RCC1: variants seen among roughly 807,000 people sequenced by gnomAD.
RCC1 encodes the protein regulator of chromosome condensation.
In RCC1, 11 loss-of-function variants were observed where a neutral mutation model predicts 44.4. That is an observed-to-expected ratio of 0.25 (90% CI 0.16 to 0.41). The LOEUF is 0.41. Ranked by LOEUF, RCC1 falls within the 10% of genes least tolerant of loss-of-function variation. The pLI, the probability that RCC1 is intolerant of heterozygous loss-of-function variation, is 1.00. For synonymous variants in RCC1, 213 were observed against 216.5 expected (o/e 0.98, Z 0.14); for missense variants, 386 against 547.1 (o/e 0.71, Z 2.94).
At chr1:28,506,150 G>A (rs188359143) in intron 1 of RCC1, 66 bp downstream of exon 1, 2 of 450,872 alleles carry the variant, frequency 4.4e-6, no homozygotes, top group African/African-American at 4.1e-5. Context: ...TAATGCTATA[G>A]ATCAGTAGCC....
chr1:28,511,072 TCCAAAC>T (rs1418471085), intron 3 of RCC1, among the ~76,000 whole-genome samples: 2 of 152,160 alleles, frequency 1.3e-5, no homozygotes, highest in East Asian at 3.8e-4. Context: ...TTTTAGACTT[TCCAAAC>T]AGGCACTTCT....
chr1:28,519,120 AT>A (rs1663113090), intron 4 of RCC1, among the ~76,000 whole-genome samples: 1 of 152,130 alleles, frequency 6.6e-6, no homozygotes, highest in South Asian at 2.1e-4. Context: ...TGACTCTTGA[AT>A]GGGGTTTTGA....
chr1:28,508,441 A>G, intron 2 of RCC1: 1 of 403,800 alleles, frequency 2.5e-6, no homozygotes, highest in Non-Finnish European at 5.0e-6. Flanking sequence ...TAGGAAGCCT[A>G]ATTGGCTTTA....
rs759767206 is a variant in RCC1, at chr1:28,515,456, C to T, written c.-152-1269C>T. ...CTGGGGCTGGGCGCAGTAGTTCACA[C>T]GTGTAATCCCAGCACTTTGGGAGGC... is the stretch of plus-strand genomic sequence containing the variant. On this transcript the variant is annotated intron_variant, in intron 3 of 12. Transcript: ENST00000683442. Among the ~76,000 whole-genome samples, 65 of 151,140 alleles carry T rather than the reference C, an allele frequency of 4.3e-4. 1 individual carries two copies. In the Middle Eastern group the frequency reaches 0.01, roughly 24 times the overall value.
At chr1:28,532,579 G>T in intron 7 of RCC1, 1 of 545,568 alleles carries the variant, frequency 1.8e-6, no homozygotes, top group Non-Finnish European at 3.3e-6. Context: ...CCTGGGAAGT[G>T]AGTGGGTCAA....
intron 3 of RCC1, among the ~76,000 whole-genome samples, chr1:28,512,848 G>A (rs1003760887): frequency 6.6e-6 from 1 of 152,088 alleles, no homozygotes; most frequent in Admixed American, 6.6e-5. Flanking sequence ...AGGCTGGAGT[G>A]CAGTGGCACA....
Position 28,536,486 on chromosome 1 carries a change from G to A in RCC1, c.937+105G>A. 5 of 1,422,494 alleles carry A rather than the reference G, an allele frequency of 3.5e-6. No homozygotes were observed. Among genetic ancestry groups the A allele is most frequent in the Non-Finnish European group, 4.8e-6 (5 of 1,051,340 alleles). 88.1% of individuals were successfully genotyped at this position (1,422,494 alleles called of 1,614,324 possible). A position where few individuals can be genotyped will look rare whatever the true frequency, so the allele number is the denominator to read the frequency against. On this transcript the variant is annotated intron_variant, in intron 11 of 12. Transcript: ENST00000683442. This position sits in a 1 kb window ranked among gnomAD's most constrained non-coding sequence, Gnocchi z 4.9. ...TCCTTGGAGCCTGGGTCTGTTCCAT[G>A]GGTTGTACCATACATGGGTCCATGA... is the stretch of plus-strand genomic sequence containing the variant.
chr1:28,521,327 C>T (rs1663255175), intron 4 of RCC1, among the ~76,000 whole-genome samples: 1 of 151,796 alleles, frequency 6.6e-6, no homozygotes, highest in South Asian at 2.1e-4. Context: ...CGGTGAAACC[C>T]CGTCTCTACT....
At position 28,536,432 on chromosome 1, in the gene RCC1, T is replaced by G; in HGVS notation, c.937+51T>G. ...TTTGGGGGTGGAGTGTTCCCTGGCCTAGGCCTAGCCAGATTCCTGAGACCA... is the reference window on the plus strand; with the variant it reads ...TTTGGGGGTGGAGTGTTCCCTGGCCGAGGCCTAGCCAGATTCCTGAGACCA... On this transcript the variant is annotated intron_variant, in intron 11 of 12. Transcript: ENST00000683442. This position sits in a 1 kb window ranked among gnomAD's most constrained non-coding sequence, Gnocchi z 4.9. 1 of 1,590,954 alleles carries G rather than the reference T, an allele frequency of 6.3e-7. No individual in the cohort carries two copies. The highest frequency in any genetic ancestry group is 8.5e-7 in the Non-Finnish European group (1 of 1,171,734).
intron 3 of RCC1, among the ~76,000 whole-genome samples, chr1:28,511,774 C>A (rs1294636681): frequency 6.6e-6 from 1 of 150,838 alleles, no homozygotes; most frequent in Non-Finnish European, 1.5e-5. Context: ...AATTCTCCCA[C>A]CTCAGCCTCC....
chr1:28,527,406 A>C (rs1033853901), intron 4 of RCC1, among the ~76,000 whole-genome samples: 2 of 152,120 alleles, frequency 1.3e-5, no homozygotes, highest in African/African-American at 4.8e-5. Flanking sequence ...TGCCCGGCTA[A>C]TTTTTGTAAT....
In RCC1 at chr1:28,536,767, C is replaced by A; in HGVS notation, c.958C>A (p.Arg320=). The A allele has an allele frequency of 6.2e-7, 1 of 1,614,094 alleles. No individual in the cohort carries two copies. The highest frequency in any genetic ancestry group is 8.5e-7 in the Non-Finnish European group (1 of 1,180,006). ...CATAGGAAAAGCATACAGCCTGGGC[C>A]GGGCTGAGTATGGGCGGCTGGGCCT... ...DSEGKAYSLG[R]AEYGRLGLGE... is the part of the protein sequence containing the mutation. Residue 320 remains arginine (R), a synonymous_variant, in exon 12 of 13, where the codon CGG becomes AGG. Transcript: ENST00000683442. The surrounding 1 kb of genome is among the most constrained non-coding windows in gnomAD (Gnocchi z 4.9).
chr1:28,532,942 A>G (rs1238903427), intron 7 of RCC1, among the ~76,000 whole-genome samples: 1 of 152,008 alleles, frequency 6.6e-6, no homozygotes, highest in African/African-American at 2.4e-5. Context: ...CAGCCTCCCA[A>G]GTAGCTGGGA....
rs775752504 is a variant in RCC1 at position 28,535,131 on chromosome 1, G to A, written c.523G>A (p.Val175Ile). 14 of 1,614,180 alleles carry A rather than the reference G, an allele frequency of 8.7e-6. No individual in the cohort carries two copies. Among genetic ancestry groups the A allele is most frequent in the Middle Eastern group, 1.6e-4 (1 of 6,062 alleles). Residue 175 changes from valine (V) to isoleucine (I), a missense_variant, in exon 8 of 13, where the codon GTA becomes ATA. Physicochemically the swap from Val to Ile is conservative, Grantham distance 29 (BLOSUM62 3). Transcript: ENST00000683442. Reference protein sequence around the residue: ...PVQVQLDVPVVKVASGNDHLV... With the variant: ...PVQVQLDVPVIKVASGNDHLV... Reference sequence around the variant, plus strand: ...GCAGGTGCAGCTGGATGTGCCTGTGGTAAAGGTGGCCTCAGGTGGGTCTGG... The same window carrying A: ...GCAGGTGCAGCTGGATGTGCCTGTGATAAAGGTGGCCTCAGGTGGGTCTGG...
In RCC1 at chr1:28,538,025, T is replaced by C. The variant is rs769015784; in HGVS notation, c.*18T>C. On this transcript the variant is annotated 3_prime_UTR_variant, in exon 13 of 13. Transcript: ENST00000683442. ...AGAGCTGATGAAGCCTCTGAGGGCC[T>C]GGCTTCTGTCCTGCACAACCTCCCT... 42 of 1,607,488 alleles carry C rather than the reference T, an allele frequency of 2.6e-5. No individual in the cohort carries two copies. The Admixed American group carries it at 4.2e-4, about 16-fold the overall frequency.
chr1:28,507,517 C>T (rs1181004170), intron 1 of RCC1: 2 of 518,802 alleles, frequency 3.9e-6, no homozygotes, highest in African/African-American at 1.9e-5. Context: ...ATTCCTACAG[C>T]TTCCCAGAGT....
Position 28,536,594 on chromosome 1 carries a change from C to CTT in RCC1, c.938-152_938-151insTT, listed in dbSNP as rs1664569114. Among the ~76,000 whole-genome samples the CTT allele has an allele frequency of 6.6e-6, 1 of 152,198 alleles. No individual in the cohort carries two copies. The highest frequency in any genetic ancestry group is 2.4e-5 in the African/African-American group (1 of 41,440). On this transcript the variant is annotated intron_variant, in intron 11 of 12. Transcript: ENST00000683442. The surrounding 1 kb of genome is among the most constrained non-coding windows in gnomAD (Gnocchi z 4.9). ...GCCCATGTAGATTCTCCTAGGCCTC[C>CTT]TCCAAAACTGGGAAGAGACACTGCA...
chr1:28,517,764 G>T (rs1039404476), intron 4 of RCC1, among the ~76,000 whole-genome samples: 1 of 145,166 alleles, frequency 6.9e-6, no homozygotes, highest in African/African-American at 2.9e-5. Context: ...GGGTTCTCGT[G>T]GTTCCCTGTC....
chr1:28,529,809 C>T (rs1328345863), intron 4 of RCC1, 49 bp from the exon 5 acceptor site: 3 of 1,430,348 alleles, frequency 2.1e-6, no homozygotes, highest in East Asian at 2.3e-5. Flanking sequence ...CTGATTGGCC[C>T]AGGAAAATGT....
Sources: gnomAD v4.1 joint callset for allele counts (sites outside exome capture counted in the v4.1 genomes callset) on GRCh38, gnomAD v4.1.1 for gene constraint, Gnocchi (gnomAD v3.1) non-coding constraint, MANE v1.5 for transcripts, NCBI Gene and HGNC (gene_info 2026-07-23, HGNC 2026-07-21) for gene names.